MECOM: variants seen among roughly 807,000 people sequenced by gnomAD.
The protein encoded by MECOM is histone-lysine N-methyltransferase MECOM.
MECOM carries 13 observed loss-of-function variants against 116.3 expected under a neutral mutation model. The ratio of observed to expected loss-of-function variants is 0.11; its 90% CI spans 0.07 to 0.18. The LOEUF is 0.18. Among genes scored for constraint, MECOM ranks in the 10% least tolerant of loss-of-function variants. MECOM has a pLI of 1.00. For synonymous variants in MECOM, 528 were observed against 535.2 expected, an observed-to-expected ratio of 0.99 and a Z score of 0.19; for missense variants, 1,299 against 1,509.0, an observed-to-expected ratio of 0.86 and a Z score of 2.31.
At chr3:169,568,071 G>A (rs1362069191) in intron 1 of MECOM, among the ~76,000 whole-genome samples, 1 of 152,136 alleles carries the variant, frequency 6.6e-6, no homozygotes, top group Non-Finnish European at 1.5e-5. Flanking sequence ...CACGGAGGGT[G>A]AGCAGAAGCA....
At chr3:169,294,802 C>T (rs180842270) in intron 2 of MECOM, among the ~76,000 whole-genome samples, 6 of 152,258 alleles carry the variant, frequency 3.9e-5, no homozygotes, top group East Asian at 1.9e-4. Flanking sequence ...ATCTCCAGTA[C>T]GTCCTGACTG....
At chr3:169,482,408 T>C (rs1751456088) in intron 1 of MECOM, among the ~76,000 whole-genome samples, 1 of 145,954 alleles carries the variant, frequency 6.9e-6, no homozygotes, top group Non-Finnish European at 1.5e-5. Context: ...CCGGGCTCAC[T>C]GTAAGCTCCA....
intron 2 of MECOM, among the ~76,000 whole-genome samples, chr3:169,245,050 T>C (rs1378709997): frequency 6.6e-6 from 1 of 152,208 alleles, no homozygotes; most frequent in African/African-American, 2.4e-5. Flanking sequence ...ATTTTAATCC[T>C]GTTTTAACAA....
intron 1 of MECOM, among the ~76,000 whole-genome samples, chr3:169,574,355 T>C (rs541955437): frequency 6.6e-6 from 1 of 152,316 alleles, no homozygotes; most frequent in Admixed American, 6.5e-5. Flanking sequence ...CTTTTAGAAT[T>C]AGACTGTAAA....
chr3:169,329,502 C>A (rs569671506), intron 2 of MECOM, among the ~76,000 whole-genome samples: 1 of 152,258 alleles, frequency 6.6e-6, no homozygotes, highest in Non-Finnish European at 1.5e-5. Flanking sequence ...ATTGAGCATC[C>A]TTTTCTAAGG....
At chr3:169,347,670 G>A (rs1009032970) in intron 2 of MECOM, among the ~76,000 whole-genome samples, 1 of 151,880 alleles carries the variant, frequency 6.6e-6, no homozygotes, top group Non-Finnish European at 1.5e-5. Context: ...CATAACAAAA[G>A]CATTCAATTA....
intron 1 of MECOM, among the ~76,000 whole-genome samples, chr3:169,642,203 G>A (rs1773575381): frequency 6.6e-6 from 1 of 152,140 alleles, no homozygotes; most frequent in South Asian, 2.1e-4. Context: ...AACACTTGCA[G>A]GGAATTAAAA....
intron 1 of MECOM, among the ~76,000 whole-genome samples, chr3:169,490,528 C>T (rs938207223): frequency 6.6e-6 from 1 of 152,092 alleles, no homozygotes; most frequent in Non-Finnish European, 1.5e-5. Context: ...GTGAATAAAT[C>T]TGTTGAATCT....
intron 2 of MECOM, among the ~76,000 whole-genome samples, chr3:169,369,847 C>T (rs891564447): frequency 1.1e-4 from 16 of 152,034 alleles, no homozygotes; most frequent in Admixed American, 7.9e-4. Context: ...TTAATAAATA[C>T]TTTGTAATGT....
chr3:169,200,079 G>A (rs1156712954), intron 2 of MECOM, among the ~76,000 whole-genome samples: 1 of 152,020 alleles, frequency 6.6e-6, no homozygotes, highest in African/African-American at 2.4e-5. Context: ...GGGAGCTGGG[G>A]GAGGACAATG....
chr3:169,529,677 T>C (rs1262328671), intron 1 of MECOM, among the ~76,000 whole-genome samples: 1 of 152,218 alleles, frequency 6.6e-6, no homozygotes, highest in Admixed American at 6.5e-5. Flanking sequence ...CTGGGCCTGA[T>C]TTTCATGACT....
intron 2 of MECOM, among the ~76,000 whole-genome samples, chr3:169,356,466 T>C (rs1418155511): frequency 1.3e-5 from 2 of 151,908 alleles, no homozygotes; most frequent in African/African-American, 4.8e-5. Context: ...TTGTCACATT[T>C]CACTGACTGT....
chr3:169,244,327 C>T (rs1049821251), intron 2 of MECOM, among the ~76,000 whole-genome samples: 3 of 152,140 alleles, frequency 2.0e-5, no homozygotes, highest in Admixed American at 6.5e-5. Flanking sequence ...GTAGACATAG[C>T]CCCGAGGCAT....
intron 2 of MECOM, among the ~76,000 whole-genome samples, chr3:169,155,362 G>A (rs1223410705): frequency 6.6e-6 from 1 of 152,088 alleles, no homozygotes; most frequent in Non-Finnish European, 1.5e-5. Context: ...ATCCTGGACA[G>A]TATCTTGGAC....
In MECOM at chr3:169,095,084, T is replaced by C; in HGVS notation, c.3011A>G (p.Asn1004Ser). The C allele has an allele frequency of 6.2e-7, 1 of 1,605,504 alleles. No individual in the cohort carries two copies. Among genetic ancestry groups the C allele is most frequent in the Non-Finnish European group, 8.5e-7 (1 of 1,176,506 alleles). ...CACAATTTATTACGTACCGGACATGTTCCCATTCTCATGTTTCTTTAGGTG... is the reference window on the plus strand; with the variant it reads ...CACAATTTATTACGTACCGGACATGCTCCCATTCTCATGTTTCTTTAGGTG... ...DRHLKKHENG[N>S]MSGTATSSPH... The change falls in exon 13 of 17, where the codon AAC becomes AGC. Residue 1004 changes from asparagine (N) to serine (S), a missense_variant. Physicochemically the swap from Asn to Ser is conservative, Grantham distance 46. Transcript: ENST00000651503.
In MECOM at chr3:169,397,454, C is replaced by T. The variant is rs1229215859; in HGVS notation, c.38-15930G>A. Among the ~76,000 whole-genome samples, 5 of 152,276 alleles carry T rather than the reference C, an allele frequency of 3.3e-5. No individual in the cohort carries two copies. The South Asian group carries it at 6.2e-4, about 19-fold the overall frequency. ...GATATGAGGGAAGTCATAAGATTAA[C>T]CTATCTCTTTCCCTATATCTTGGAT... On this transcript the variant is annotated intron_variant, in intron 1 of 16. Coordinates refer to ENST00000651503, the MANE Select transcript of MECOM (RefSeq NM_004991.4).
At chr3:169,201,931 G>A (rs904627834) in intron 2 of MECOM, among the ~76,000 whole-genome samples, 10 of 152,008 alleles carry the variant, frequency 6.6e-5, no homozygotes, top group African/African-American at 2.4e-4. Flanking sequence ...CCCACAGCCT[G>A]GCCTTTGTGT....
At chr3:169,128,254 G>T (rs1733562861) in intron 4 of MECOM, among the ~76,000 whole-genome samples, 194 bp from the exon 5 acceptor site, 1 of 152,156 alleles carries the variant, frequency 6.6e-6, no homozygotes, top group Non-Finnish European at 1.5e-5. Context: ...ATAAGCAATG[G>T]CTGTGACTAG....
At chr3:169,613,821 C>T (rs1244543802) in intron 1 of MECOM, 2 of 152,182 alleles carry the variant, frequency 1.3e-5, no homozygotes, top group African/African-American at 2.4e-5. Flanking sequence ...CAGTCTCTCA[C>T]CTAGGCACGG....
Sources: gnomAD v4.1 joint callset for allele counts (sites outside exome capture counted in the v4.1 genomes callset) on GRCh38, gnomAD v4.1.1 for gene constraint, MANE v1.5 for transcripts, NCBI Gene and HGNC (gene_info 2026-07-23, HGNC 2026-07-21) for gene names.